Variants in SAMMSON observed in about 807,000 individuals in gnomAD.
The protein encoded by SAMMSON is long intergenic non-protein coding RNA 1212.
intron 7 of SAMMSON, among the ~76,000 whole-genome samples, chr3:70,323,069 A>G (rs973488010): frequency 6.6e-6 from 1 of 152,138 alleles, no homozygotes; most frequent in Non-Finnish European, 1.5e-5. Flanking sequence ...CTCATTCCAC[A>G]AATTAGATTG....
chr3:70,399,699 C>T (rs757022473), intron 2 of SAMMSON, among the ~76,000 whole-genome samples: 2 of 151,930 alleles, frequency 1.3e-5, no homozygotes, highest in Non-Finnish European at 2.9e-5. Context: ...AACCCCATCT[C>T]TACTGAAAAT....
At chr3:70,395,830 C>T (rs572820611) in intron 2 of SAMMSON, among the ~76,000 whole-genome samples, 1 of 152,168 alleles carries the variant, frequency 6.6e-6, no homozygotes, top group South Asian at 2.1e-4. Context: ...CCAAGAAGGG[C>T]CAAGTGCTTC....
At chr3:70,301,608 G>T (rs1332640124) in intron 7 of SAMMSON, among the ~76,000 whole-genome samples, 1 of 151,998 alleles carries the variant, frequency 6.6e-6, no homozygotes, top group Non-Finnish European at 1.5e-5. Flanking sequence ...TTTACAGTAG[G>T]AATGGTTTGT....
At chr3:70,217,186 G>T (rs137871221) in intron 4 of SAMMSON, among the ~76,000 whole-genome samples, 1 of 152,076 alleles carries the variant, frequency 6.6e-6, no homozygotes, top group East Asian at 1.9e-4. Context: ...CTGGGAGACC[G>T]TAGGTACTCA....
At chr3:70,043,839 T>C (rs2067114386) in intron 3 of SAMMSON, among the ~76,000 whole-genome samples, 1 of 152,090 alleles carries the variant, frequency 6.6e-6, no homozygotes, top group South Asian at 2.1e-4. Flanking sequence ...GTTCCACTTA[T>C]CTATATATTT....
intron 7 of SAMMSON, among the ~76,000 whole-genome samples, chr3:70,323,217 A>G (rs1702550556): frequency 6.6e-6 from 1 of 152,148 alleles, no homozygotes; most frequent in Admixed American, 6.6e-5. Context: ...ATCTTGTTTG[A>G]AGTTAAGGAA....
chr3:70,359,877 C>T, intron 9 of SAMMSON, among the ~76,000 whole-genome samples: 1 of 152,000 alleles, frequency 6.6e-6, no homozygotes, highest in African/African-American at 2.4e-5. Flanking sequence ...GTAAGGCTCT[C>T]TGGAGTTAGA....
At chr3:70,130,039 A>G (rs1172913129) in intron 4 of SAMMSON, among the ~76,000 whole-genome samples, 1 of 152,162 alleles carries the variant, frequency 6.6e-6, no homozygotes, top group Non-Finnish European at 1.5e-5. Flanking sequence ...GAATGGCAAT[A>G]TACACCTGTT....
chr3:70,325,425 C>G (rs2106719601), intron 7 of SAMMSON, among the ~76,000 whole-genome samples: 1 of 151,986 alleles, frequency 6.6e-6, no homozygotes, highest in Non-Finnish European at 1.5e-5. Flanking sequence ...AAAGTTACTG[C>G]AGAAAGATTG....
chr3:70,283,305 C>T (rs1375818437), intron 6 of SAMMSON, among the ~76,000 whole-genome samples: 1 of 151,964 alleles, frequency 6.6e-6, no homozygotes, highest in African/African-American at 2.4e-5. Flanking sequence ...GTTTTCAATG[C>T]ACTGTGCCTG....
chr3:70,349,151 G>C (rs778962073), intron 7 of SAMMSON, among the ~76,000 whole-genome samples: 5 of 152,018 alleles, frequency 3.3e-5, no homozygotes, highest in Admixed American at 2.6e-4. Flanking sequence ...GAGGTGGGAG[G>C]ATCACCCAAG....
intron 3 of SAMMSON, among the ~76,000 whole-genome samples, chr3:70,025,581 T>C (rs1483545369): frequency 1.3e-5 from 2 of 152,194 alleles, no homozygotes; most frequent in Admixed American, 6.5e-5. Flanking sequence ...CCTTAAACCA[T>C]AAATCCTGTT....
At chr3:70,230,118 T>C (rs1234192020) in intron 4 of SAMMSON, among the ~76,000 whole-genome samples, 1 of 152,210 alleles carries the variant, frequency 6.6e-6, no homozygotes, top group Non-Finnish European at 1.5e-5. Flanking sequence ...CTTAAGTTTA[T>C]AGAATTAAAA....
At chr3:70,350,987 G>A (rs573665958) in intron 7 of SAMMSON, among the ~76,000 whole-genome samples, 1 of 152,234 alleles carries the variant, frequency 6.6e-6, no homozygotes, top group East Asian at 1.9e-4. Flanking sequence ...TATATGGTAG[G>A]AAAGAAGCCT....
At chr3:70,090,551 A>G (rs2067301234) in intron 4 of SAMMSON, among the ~76,000 whole-genome samples, 1 of 152,198 alleles carries the variant, frequency 6.6e-6, no homozygotes, top group Non-Finnish European at 1.5e-5. Context: ...GTTGTGTCTA[A>G]AATAATCGGG....
At chr3:70,399,931 T>C (rs1701126385) in intron 2 of SAMMSON, among the ~76,000 whole-genome samples, 1 of 148,056 alleles carries the variant, frequency 6.8e-6, no homozygotes, top group South Asian at 2.1e-4. Flanking sequence ...CTTTTGTGTA[T>C]ATCAGTTTTT....
intron 2 of SAMMSON, among the ~76,000 whole-genome samples, chr3:70,404,180 A>G (rs904930899): frequency 5.3e-5 from 8 of 152,062 alleles, no homozygotes; most frequent in African/African-American, 1.7e-4. Context: ...GTTTCTTATG[A>G]TCATTATAAT....
At chr3:70,106,787 C>G (rs894610359) in intron 4 of SAMMSON, among the ~76,000 whole-genome samples, 2 of 152,196 alleles carry the variant, frequency 1.3e-5, no homozygotes, top group African/African-American at 4.8e-5. Flanking sequence ...AACAGGTACA[C>G]TTGTCTGGGA....
chr3:70,237,917 G>A (rs1701625871), intron 4 of SAMMSON, among the ~76,000 whole-genome samples: 1 of 139,866 alleles, frequency 7.1e-6, no homozygotes, highest in Admixed American at 7.3e-5. Flanking sequence ...ATCTCCAAGA[G>A]GATTTAGAAT....
Sources: allele counts gnomAD v4.1 joint callset (sites outside exome capture counted in the v4.1 genomes callset), GRCh38; gene constraint gnomAD v4.1.1; transcripts MANE v1.5; gene names NCBI Gene and HGNC (gene_info 2026-07-23, HGNC 2026-07-21).